The following OCA2 variants were observed in gnomAD, a reference collection of about 807,000 sequenced individuals.
The protein encoded by OCA2 is P protein.
Under a neutral mutation model 100.2 loss-of-function variants are expected in OCA2, and 77 were observed. That is an observed-to-expected ratio of 0.77 (90% CI 0.64 to 0.93). OCA2 has a LOEUF of 0.93. Ranked by LOEUF, OCA2 falls within the 40% of genes least tolerant of loss-of-function variation. OCA2 has a pLI of 0.00. For missense variants in OCA2, 1,062 were observed against 1,089.1 expected (o/e 0.98, Z 0.35); for synonymous variants, 432 against 439.2 (o/e 0.98, Z 0.21).
chr15:28,083,686 T>G (rs2044720802), intron 1 of OCA2, among the ~76,000 whole-genome samples: 1 of 152,082 alleles, frequency 6.6e-6, no homozygotes, highest in South Asian at 2.1e-4. Context: ...ATTTAAATTT[T>G]TTTATTTAGA....
At chr15:28,076,571 G>A (rs1384798398) in intron 2 of OCA2, among the ~76,000 whole-genome samples, 11 of 152,124 alleles carry the variant, frequency 7.2e-5, no homozygotes, top group Admixed American at 7.2e-4. Flanking sequence ...AATTTGGCCG[G>A]GCGCGGTGGC....
intron 2 of OCA2, among the ~76,000 whole-genome samples, chr15:28,052,476 C>A (rs1174842340): frequency 6.6e-6 from 1 of 152,190 alleles, no homozygotes; most frequent in African/African-American, 2.4e-5. Context: ...ATGCAGGGAT[C>A]AACCTCAGTC....
intron 1 of OCA2, among the ~76,000 whole-genome samples, chr15:28,085,942 A>G (rs1446124263): frequency 1.3e-5 from 2 of 152,190 alleles, no homozygotes; most frequent in East Asian, 3.9e-4. Context: ...CTGCAGCCTA[A>G]TACTGCAGAC....
At chr15:27,738,722 G>GAAAA in the OCA2 span, among the ~76,000 whole-genome samples, 1 of 147,372 alleles carries the variant, frequency 6.8e-6, no homozygotes, top group African/African-American at 2.5e-5. Context: ...CTCGGTCTCA[G>GAAAA]AAAAAAAAAA....
chr15:28,054,142 A>G (rs1442668646), intron 2 of OCA2, among the ~76,000 whole-genome samples: 1 of 152,240 alleles, frequency 6.6e-6, no homozygotes, highest in East Asian at 1.9e-4. Flanking sequence ...GTGTATGTAT[A>G]CAAATACTGT....
At chr15:28,097,919 T>C (rs2045016707) in intron 1 of OCA2, among the ~76,000 whole-genome samples, 1 of 152,146 alleles carries the variant, frequency 6.6e-6, no homozygotes. Flanking sequence ...AAAATGCATA[T>C]GGCCTCAAAC....
chr15:28,016,920 C>T (rs374139564), intron 7 of OCA2, among the ~76,000 whole-genome samples: 126 of 152,260 alleles, frequency 8.3e-4, no homozygotes, highest in African/African-American at 2.6e-3. Flanking sequence ...AGGCAACAAA[C>T]CCACCCCCAG....
At chr15:27,934,900 T>G (rs1318574806) in intron 18 of OCA2, among the ~76,000 whole-genome samples, 2 of 152,208 alleles carry the variant, frequency 1.3e-5, no homozygotes, top group African/African-American at 4.8e-5. Context: ...TCGCACTGCC[T>G]GCAGAGCCAG....
intron 19 of OCA2, among the ~76,000 whole-genome samples, chr15:27,889,188 A>C (rs2037353788): frequency 6.6e-6 from 1 of 152,206 alleles, no homozygotes; most frequent in Non-Finnish European, 1.5e-5. Context: ...AGCAGGAAAC[A>C]GCATAAATTA....
At chr15:28,011,020 T>G (rs2042224428) in intron 9 of OCA2, among the ~76,000 whole-genome samples, 1 of 152,182 alleles carries the variant, frequency 6.6e-6, no homozygotes, top group African/African-American at 2.4e-5. Flanking sequence ...CCCAGAGAGA[T>G]ACCCCACAAA....
chr15:27,793,758 G>A (rs1048951300), intron 23 of OCA2, among the ~76,000 whole-genome samples: 4 of 152,244 alleles, frequency 2.6e-5, no homozygotes, highest in Non-Finnish European at 5.9e-5. Context: ...GGGCCTGCCT[G>A]GGGCGACTTT....
rs1404530764 is a variant in OCA2, at chr15:28,093,794, A to G, written c.-22+5430T>C. 1.3e-5 allele frequency among the ~76,000 whole-genome samples: 2 copies of G among 152,230 alleles called. 1 individual carries two copies. The highest frequency in any genetic ancestry group is 4.1e-4 in the South Asian group (2 of 4,828). On this transcript the variant is annotated intron_variant, in intron 1 of 23. Transcript: ENST00000354638. Reference sequence around the variant, plus strand: ...ACAGACAATTCATACACAGCAACGTAGAGGAATCCAGAGTGAAAATCCTCA... The same window carrying G: ...ACAGACAATTCATACACAGCAACGTGGAGGAATCCAGAGTGAAAATCCTCA...
At chr15:28,045,457 ATTATTT>A (rs2043321127) in intron 2 of OCA2, among the ~76,000 whole-genome samples, 1 of 152,168 alleles carries the variant, frequency 6.6e-6, no homozygotes, top group Admixed American at 6.5e-5. Context: ...CTTCATTTTG[ATTATTT>A]TTATTTCAAT....
chr15:28,020,721 A>G (rs2042567349), intron 6 of OCA2, among the ~76,000 whole-genome samples: 2 of 152,242 alleles, frequency 1.3e-5, no homozygotes, highest in Non-Finnish European at 2.9e-5. Flanking sequence ...TGATGAAGAA[A>G]ATACAAACAC....
At chr15:28,091,038 A>G (rs1464609860) in intron 1 of OCA2, among the ~76,000 whole-genome samples, 1 of 152,220 alleles carries the variant, frequency 6.6e-6, no homozygotes, top group Non-Finnish European at 1.5e-5. Flanking sequence ...ACATCAAAGA[A>G]TAATAGTGGT....
chr15:27,940,140 C>T (rs1450017180), intron 18 of OCA2, among the ~76,000 whole-genome samples: 1 of 152,228 alleles, frequency 6.6e-6, no homozygotes, highest in Non-Finnish European at 1.5e-5. Flanking sequence ...ACATTCCATG[C>T]TCACCAGCAT....
intron 2 of OCA2, among the ~76,000 whole-genome samples, chr15:28,058,221 G>A (rs925496371): frequency 3.9e-5 from 6 of 152,266 alleles, no homozygotes; most frequent in African/African-American, 1.2e-4. Context: ...ACTGCAGCAG[G>A]AGGGTTGATA....
chr15:27,919,466 G>A (rs949628134), intron 19 of OCA2, among the ~76,000 whole-genome samples: 1 of 152,176 alleles, frequency 6.6e-6, no homozygotes, highest in African/African-American at 2.4e-5. Context: ...GTTAAGCCAT[G>A]AAAAGACAAG....
intron 23 of OCA2, among the ~76,000 whole-genome samples, chr15:27,781,707 A>G (rs563593072): frequency 3.3e-5 from 5 of 152,364 alleles, no homozygotes; most frequent in African/African-American, 1.2e-4. Context: ...AATTTACCAT[A>G]TGGTAAATAC....
Sources: gnomAD v4.1 joint callset for allele counts (sites outside exome capture counted in the v4.1 genomes callset) on GRCh38, gnomAD v4.1.1 for gene constraint, MANE v1.5 for transcripts, NCBI Gene and HGNC (gene_info 2026-07-23, HGNC 2026-07-21) for gene names.